Variants in KCNQ1 observed in about 807,000 individuals in gnomAD.
KCNQ1 encodes potassium voltage-gated channel subfamily Q member 1, also known as potassium voltage-gated channel subfamily KQT member 1.
Under a neutral mutation model 72.4 loss-of-function variants are expected in KCNQ1, and 49 were observed. The observed-to-expected ratio is 0.68, with a 90% confidence interval of 0.54 to 0.86. The LOEUF is 0.86. Among genes scored for constraint, KCNQ1 ranks in the 40% least tolerant of loss-of-function variants. The pLI, the probability that KCNQ1 is intolerant of heterozygous loss-of-function variation, is 0.00. For missense variants in KCNQ1, 790 were observed against 945.1 expected, an observed-to-expected ratio of 0.84 and a Z score of 2.15; for synonymous variants, 450 against 412.6, an observed-to-expected ratio of 1.09 and a Z score of -1.10.
At position 2,690,997 on chromosome 11, in the gene KCNQ1, GT is replaced by G. The variant is rs1430271350; in HGVS notation, c.1514+28917del. The G allele has an allele frequency of 7.5e-6, 3 of 398,560 alleles. No homozygotes were observed. The highest frequency in any genetic ancestry group is 6.2e-4 in the Middle Eastern group (1 of 1,612). 24.7% of individuals were successfully genotyped at this position (398,560 alleles called of 1,614,324 possible). On this transcript the variant is annotated intron_variant, in intron 11 of 15. Coordinates refer to ENST00000155840, the MANE Select transcript of KCNQ1 (RefSeq NM_000218.3). This position sits in a 1 kb window ranked among gnomAD's most constrained non-coding sequence, Gnocchi z 5.1. ...AAAAGCCCACCAGACCATCAATGAA[GT>G]GGGCAAAAGCTCTGGGTGAACTCTT...
In KCNQ1 at chr11:2,478,514, A is replaced by T. The variant is rs1846606507; in HGVS notation, c.386+33030A>T. On this transcript the variant is annotated intron_variant, in intron 1 of 15. Coordinates refer to ENST00000155840, the MANE Select transcript of KCNQ1 (RefSeq NM_000218.3). The surrounding 1 kb of genome is among the most constrained non-coding windows in gnomAD (Gnocchi z 4.0). Reference sequence around the variant, plus strand: ...CAAAGAGATAATGAAAACTGAGCACAAAGGGTTTCCCCTTATAAAACCATC... The same window carrying T: ...CAAAGAGATAATGAAAACTGAGCACTAAGGGTTTCCCCTTATAAAACCATC... 1.3e-5 allele frequency among the ~76,000 whole-genome samples: 2 copies of T among 152,194 alleles called. No individual in the cohort carries two copies. The highest frequency in any genetic ancestry group is 1.3e-4 in the Admixed American group (2 of 15,276).
In KCNQ1 at chr11:2,781,523, C is replaced by A. The variant is rs1324397753; in HGVS notation, c.1794+3486C>A. Among the ~76,000 whole-genome samples, 3 of 152,186 alleles carry A rather than the reference C, an allele frequency of 2.0e-5. No homozygotes were observed. The East Asian group carries it at 5.8e-4, about 29-fold the overall frequency. On this transcript the variant is annotated intron_variant, in intron 15 of 15. Transcript: ENST00000155840. The surrounding 1 kb of genome is among the most constrained non-coding windows in gnomAD (Gnocchi z 6.6). ...GAGAGAGCTGGCCCTGCCCACTCCC[C>A]CTCTGGCCCCACTGGGCTTCCTGAA...
intron 2 of KCNQ1, among the ~76,000 whole-genome samples, chr11:2,569,490 G>C (rs1361947048): frequency 6.6e-6 from 1 of 152,238 alleles, no homozygotes; most frequent in African/African-American, 2.4e-5. Flanking sequence ...CTGTCACCCA[G>C]TGGGAGCAGA....
rs1846899827 is a variant in KCNQ1, at chr11:2,785,792, G to A, written c.1794+7755G>A. 6.6e-6 allele frequency among the ~76,000 whole-genome samples: 1 copy of A among 151,792 alleles called. No individual in the cohort carries two copies. Among genetic ancestry groups the A allele is most frequent in the African/African-American group, 2.4e-5 (1 of 41,338 alleles). Reference sequence around the variant, plus strand: ...TTCTCTCTACTGGTTTTGAAGTTATGTATTCTACTACCATCCTTGGAAAGG... The same window carrying A: ...TTCTCTCTACTGGTTTTGAAGTTATATATTCTACTACCATCCTTGGAAAGG... On this transcript the variant is annotated intron_variant, in intron 15 of 15. Coordinates refer to ENST00000155840, the MANE Select transcript of KCNQ1 (RefSeq NM_000218.3). This position sits in a 1 kb window ranked among gnomAD's most constrained non-coding sequence, Gnocchi z 4.4.
Position 2,642,134 on chromosome 11 carries a change from A to G in KCNQ1, c.1394-19827A>G, listed in dbSNP as rs1849589955. The G allele has an allele frequency of 5.0e-6, 2 of 398,020 alleles. No individual in the cohort carries two copies. The highest frequency in any genetic ancestry group is 8.9e-6 in the Non-Finnish European group (2 of 225,866). The allele number at this position is 398,020 out of a possible 1,614,324, so 24.7% of individuals were successfully genotyped here. A position where few individuals can be genotyped will look rare whatever the true frequency, so the allele number is the denominator to read the frequency against. The stretch of plus-strand genomic sequence containing the variant: ...TTTTTGGTTCCATCTGAATTTTAGG[A>G]TTTTTTCTATTTCCATGAAAAATGG... On this transcript the variant is annotated intron_variant, in intron 10 of 15. Transcript: ENST00000155840. This position sits in a 1 kb window ranked among gnomAD's most constrained non-coding sequence, Gnocchi z 4.3.
chr11:2,613,083 G>C lies in KCNQ1; in HGVS notation c.1393+24229G>C. On this transcript the variant is annotated intron_variant, in intron 10 of 15. Coordinates refer to ENST00000155840, the MANE Select transcript of KCNQ1 (RefSeq NM_000218.3). The surrounding 1 kb of genome is among the most constrained non-coding windows in gnomAD (Gnocchi z 4.8). ...CAGCATAACCTAGTGGTCAAGCCAT[G>C]ATTAGTCAGACATTTGTTTAAACAT... 1.0e-5 allele frequency: 4 copies of C among 398,608 alleles called. No individual in the cohort carries two copies. The highest frequency in any genetic ancestry group is 1.8e-5 in the Non-Finnish European group (4 of 226,082). 24.7% of individuals were successfully genotyped at this position (398,608 alleles called of 1,614,324 possible). A position where few individuals can be genotyped will look rare whatever the true frequency, so the allele number is the denominator to read the frequency against.
intron 10 of KCNQ1, chr11:2,643,911 C>T (rs917937974): frequency 2.3e-5 from 9 of 398,428 alleles, no homozygotes; most frequent in Non-Finnish European, 3.1e-5. Context: ...TTTCTTTCAG[C>T]ACTCTGCGTA....
rs375061061 is a variant in KCNQ1 at position 2,531,963 on chromosome 11, A to G, written c.477+3945A>G. On this transcript the variant is annotated intron_variant, in intron 2 of 15. Transcript: ENST00000155840. Reference sequence around the variant, plus strand: ...AGGCCCATCACCTGTAACACTACCCACCCCACCTCACCCAGCCTGGGCTCA... The same window carrying G: ...AGGCCCATCACCTGTAACACTACCCGCCCCACCTCACCCAGCCTGGGCTCA... 4.3e-3 allele frequency among the ~76,000 whole-genome samples: 657 copies of G among 151,620 alleles called. 8 individuals carry two copies. Among genetic ancestry groups the G allele is most frequent in the African/African-American group, 0.015 (621 of 41,302 alleles).
intron 2 of KCNQ1, among the ~76,000 whole-genome samples, chr11:2,555,593 G>A (rs1424799447): frequency 2.0e-5 from 3 of 152,244 alleles, no homozygotes; most frequent in Non-Finnish European, 4.4e-5. Flanking sequence ...TGTGTGCGGG[G>A]CCCTGGGTAT....
chr11:2,702,243 A>G lies in KCNQ1; in HGVS notation c.1514+40162A>G, dbSNP rs79169511. 6.7e-3 allele frequency among the ~76,000 whole-genome samples: 1,026 copies of G among 152,356 alleles called. 8 individuals carry two copies. Among genetic ancestry groups the G allele is most frequent in the African/African-American group, 0.024 (990 of 41,582 alleles). ...TGTGGGGTTTACATTCTGGTGGGAA[A>G]GACAGATTTTCGAAACGTGGCCATT... On this transcript the variant is annotated intron_variant, in intron 11 of 15. Transcript: ENST00000155840.
intron 2 of KCNQ1, among the ~76,000 whole-genome samples, chr11:2,548,145 G>A (rs116970715): frequency 2.0e-5 from 3 of 152,190 alleles, no homozygotes; most frequent in Non-Finnish European, 4.4e-5. Flanking sequence ...CCCAGGATAA[G>A]GTGGCGGCAG....
rs1237652108 is a variant in KCNQ1 at position 2,820,979 on chromosome 11, G to A, written c.1795-26788G>A. On this transcript the variant is annotated intron_variant, in intron 15 of 15. Coordinates refer to ENST00000155840, the MANE Select transcript of KCNQ1 (RefSeq NM_000218.3). ...CGTGCTGGGCCTCGGCCATCTCTGG[G>A]GCTGTTTCTAGGCCCATCTAAGCGA... Among the ~76,000 whole-genome samples the A allele has an allele frequency of 2.0e-5, 3 of 152,260 alleles. No individual in the cohort carries two copies. In the East Asian group the frequency reaches 5.8e-4, roughly 29 times the overall value.
intron 11 of KCNQ1, chr11:2,675,317 G>A (rs1159307977): frequency 1.3e-5 from 5 of 398,442 alleles, no homozygotes; most frequent in Non-Finnish European, 2.2e-5. Flanking sequence ...ACATGAAAGT[G>A]GGATGGGATC....
Position 2,603,400 on chromosome 11 carries a change from C to A in KCNQ1, c.1393+14546C>A, listed in dbSNP as rs911826371. ...ACACACATTTAATTTTTTAAAAACA[C>A]AATATCCACAAAGTGCAAAAAAGTG... On this transcript the variant is annotated intron_variant, in intron 10 of 15. Transcript: ENST00000155840. This position sits in a 1 kb window ranked among gnomAD's most constrained non-coding sequence, Gnocchi z 4.1. 1.3e-5 allele frequency among the ~76,000 whole-genome samples: 2 copies of A among 152,172 alleles called. No individual in the cohort carries two copies. Among genetic ancestry groups the A allele is most frequent in the African/African-American group, 4.8e-5 (2 of 41,434 alleles).
At chr11:2,535,020 C>A (rs552207046) in intron 2 of KCNQ1, among the ~76,000 whole-genome samples, 17 of 152,310 alleles carry the variant, frequency 1.1e-4, no homozygotes, top group African/African-American at 4.1e-4. Context: ...CAGATGTGGG[C>A]CCTCTGTCTG....
chr11:2,760,033 C>T (rs1421016868), intron 11 of KCNQ1, among the ~76,000 whole-genome samples: 1 of 152,252 alleles, frequency 6.6e-6, no homozygotes, highest in African/African-American at 2.4e-5. Context: ...GTCCGGGAAA[C>T]TTCCTGCCTC....
rs762279002 is a variant in KCNQ1, at chr11:2,592,824, G to A, written c.1393+3970G>A. On this transcript the variant is annotated intron_variant, in intron 10 of 15. Coordinates refer to ENST00000155840, the MANE Select transcript of KCNQ1 (RefSeq NM_000218.3). The surrounding 1 kb of genome is among the most constrained non-coding windows in gnomAD (Gnocchi z 5.2). ...CACACAGGCAGCCTCCTGCCCAGAG[G>A]GTCCAAGCGGGCATGGCCATCCACA... Among the ~76,000 whole-genome samples the A allele has an allele frequency of 6.6e-6, 1 of 152,192 alleles. No homozygotes were observed. Among genetic ancestry groups the A allele is most frequent in the Non-Finnish European group, 1.5e-5 (1 of 68,030 alleles).
intron 11 of KCNQ1, among the ~76,000 whole-genome samples, chr11:2,718,547 G>GAT (rs1434007691): frequency 6.6e-6 from 1 of 152,234 alleles, no homozygotes; most frequent in Non-Finnish European, 1.5e-5. Context: ...TGTCATGGAG[G>GAT]ATAGTTCGGG....
intron 11 of KCNQ1, chr11:2,666,816 A>G (rs1850079443): frequency 5.0e-6 from 2 of 398,620 alleles, no homozygotes; most frequent in Admixed American, 4.4e-5. Context: ...GGGAAAGGAC[A>G]GAAAGGACAT....
Sources: gnomAD v4.1 joint callset for allele counts (sites outside exome capture counted in the v4.1 genomes callset) on GRCh38, gnomAD v4.1.1 for gene constraint, Gnocchi (gnomAD v3.1) non-coding constraint, MANE v1.5 for transcripts, NCBI Gene and HGNC (gene_info 2026-07-23, HGNC 2026-07-21) for gene names.